The following RORA variants were observed in gnomAD, a reference collection of about 807,000 sequenced individuals.
The protein encoded by RORA is RAR related orphan receptor A.
A neutral mutation model predicts 69.5 loss-of-function variants in RORA; 7 were observed. That is an observed-to-expected ratio of 0.10 (90% CI 0.06 to 0.19). The LOEUF (loss-of-function observed/expected upper bound fraction) is 0.19, where lower values mean the gene tolerates loss of function less well. Ranked by LOEUF, RORA falls within the 10% of genes least tolerant of loss-of-function variation. The pLI is 1.00. For synonymous variants in RORA, 261 were observed against 240.8 expected, an observed-to-expected ratio of 1.08 and a Z score of -0.78; for missense variants, 457 against 663.0, an observed-to-expected ratio of 0.69 and a Z score of 3.41.
chr15:60,674,069 T>C (rs1230118536), intron 2 of RORA, among the ~76,000 whole-genome samples: 1 of 152,206 alleles, frequency 6.6e-6, no homozygotes, highest in Non-Finnish European at 1.5e-5. Context: ...TCTTCTCACA[T>C]CTGTCCTAAT....
At chr15:60,691,286 T>C (rs2070820345) in intron 1 of RORA, among the ~76,000 whole-genome samples, 1 of 152,216 alleles carries the variant, frequency 6.6e-6, no homozygotes. Flanking sequence ...ACTTTGTATC[T>C]TCACAATAGT....
rs543372460 is a variant in RORA at position 60,820,480 on chromosome 15, G to A, written c.167-141794C>T. Among the ~76,000 whole-genome samples, 21 of 152,270 alleles carry A rather than the reference G, an allele frequency of 1.4e-4. No individual in the cohort carries two copies. The South Asian group carries it at 3.7e-3, about 27-fold the overall frequency. On this transcript the variant is annotated intron_variant, in intron 1 of 10. Coordinates refer to ENST00000335670, the MANE Select transcript of RORA (RefSeq NM_134261.3). ...CTTCTATATTTTTATGTAAAACATAGGAAAAGGGCTGGTGAAAATGAGGCC... is the reference window on the plus strand; with the variant it reads ...CTTCTATATTTTTATGTAAAACATAAGAAAAGGGCTGGTGAAAATGAGGCC...
rs530626531 is a variant in RORA, at chr15:60,914,881, G to T, written c.167-236195C>A. On this transcript the variant is annotated intron_variant, in intron 1 of 10. Coordinates refer to ENST00000335670, the MANE Select transcript of RORA (RefSeq NM_134261.3). ...CACCGGGGGTCAGTGGGCCATCCAG[G>T]AAGAAGCTTTGGTGAAGGGGAGGGC... is the stretch of plus-strand genomic sequence containing the variant. Among the ~76,000 whole-genome samples, 3 of 152,292 alleles carry T rather than the reference G, an allele frequency of 2.0e-5. No homozygotes were observed. In the East Asian group the frequency reaches 5.8e-4, roughly 29 times the overall value.
chr15:60,741,928 T>G (rs78554936), intron 1 of RORA, among the ~76,000 whole-genome samples: 8,869 of 152,236 alleles, frequency 0.058, 352 homozygotes, highest in Admixed American at 0.11. Flanking sequence ...TGCCACTCCC[T>G]GCCAAGCCTC....
intron 1 of RORA, among the ~76,000 whole-genome samples, chr15:60,980,447 A>T (rs1894012165): frequency 6.6e-6 from 1 of 152,154 alleles, no homozygotes; most frequent in Admixed American, 6.5e-5. Flanking sequence ...GATTTTGAGA[A>T]GGATTGGTGC....
intron 1 of RORA, among the ~76,000 whole-genome samples, chr15:60,779,841 T>C (rs2072228642): frequency 6.6e-6 from 1 of 152,194 alleles, no homozygotes; most frequent in Non-Finnish European, 1.5e-5. Context: ...AACTGAGGCC[T>C]GGGAGGAATG....
At chr15:60,552,161 G>C (rs146391621) in intron 2 of RORA, among the ~76,000 whole-genome samples, 1 of 152,156 alleles carries the variant, frequency 6.6e-6, no homozygotes, top group South Asian at 2.1e-4. Flanking sequence ...CAGAAGACTG[G>C]GAAAATGATA....
chr15:60,962,013 G>A (rs1893428449), intron 1 of RORA, among the ~76,000 whole-genome samples: 1 of 152,236 alleles, frequency 6.6e-6, no homozygotes. Flanking sequence ...TTGGAACATT[G>A]AAAGGTGCCC....
chr15:60,903,810 G>C (rs1038977110), intron 1 of RORA, among the ~76,000 whole-genome samples: 1 of 152,074 alleles, frequency 6.6e-6, no homozygotes, highest in African/African-American at 2.4e-5. Context: ...ATTTAAATGG[G>C]GGTAACAATG....
At chr15:60,668,172 C>T (rs148893498) in intron 2 of RORA, among the ~76,000 whole-genome samples, 21 of 152,276 alleles carry the variant, frequency 1.4e-4, no homozygotes, top group African/African-American at 5.1e-4. Flanking sequence ...GTCCTCACTC[C>T]ACGTAGATCA....
At chr15:60,924,812 C>T (rs997749808) in intron 1 of RORA, among the ~76,000 whole-genome samples, 8 of 152,194 alleles carry the variant, frequency 5.3e-5, no homozygotes, top group Admixed American at 2.6e-4. Context: ...GGCACAGTGG[C>T]TCATGCCTGT....
chr15:60,745,553 T>G (rs1253325312), intron 1 of RORA, among the ~76,000 whole-genome samples: 2 of 152,226 alleles, frequency 1.3e-5, no homozygotes, highest in Non-Finnish European at 2.9e-5. Context: ...TTCCTTGGCC[T>G]CGGCATGGCC....
chr15:60,834,323 A>ATG (rs2073086265), intron 1 of RORA, among the ~76,000 whole-genome samples: 1 of 152,146 alleles, frequency 6.6e-6, no homozygotes, highest in Non-Finnish European at 1.5e-5. Flanking sequence ...CATGGTAATA[A>ATG]AGTCTAAGTC....
chr15:60,525,129 C>A (rs1241680591), intron 3 of RORA, among the ~76,000 whole-genome samples: 14 of 152,150 alleles, frequency 9.2e-5, no homozygotes, highest in Admixed American at 7.9e-4. Flanking sequence ...TTTCTGTAGT[C>A]CGAGTTCCCT....
chr15:60,594,272 C>T (rs2068618955), intron 2 of RORA, among the ~76,000 whole-genome samples: 1 of 152,230 alleles, frequency 6.6e-6, no homozygotes, highest in Admixed American at 6.5e-5. Context: ...TATGATGCAA[C>T]TATATCTCCC....
At chr15:60,716,723 G>C (rs2071223943) in intron 1 of RORA, among the ~76,000 whole-genome samples, 1 of 152,080 alleles carries the variant, frequency 6.6e-6, no homozygotes, top group African/African-American at 2.4e-5. Flanking sequence ...CTCAGAGAGA[G>C]TCCCACCCTA....
At chr15:60,564,601 T>C (rs1487151722) in intron 2 of RORA, among the ~76,000 whole-genome samples, 1 of 152,136 alleles carries the variant, frequency 6.6e-6, no homozygotes, top group Non-Finnish European at 1.5e-5. Context: ...ATCTGATCTT[T>C]TGGTCTCATC....
rs77893040 is a variant in RORA, at chr15:60,690,694, G to T, written c.167-12008C>A. Among the ~76,000 whole-genome samples the T allele has an allele frequency of 4.4e-3, 671 of 152,306 alleles. 4 individuals carry two copies. The highest frequency in any genetic ancestry group is 0.016 in the African/African-American group (645 of 41,550). ...GACTAAAGAAATTGTACCTTTCCCTGAAAAAGGACAGCAAACTGGGACTCA... is the reference window on the plus strand; with the variant it reads ...GACTAAAGAAATTGTACCTTTCCCTTAAAAAGGACAGCAAACTGGGACTCA... On this transcript the variant is annotated intron_variant, in intron 1 of 10. Transcript: ENST00000335670.
intron 1 of RORA, among the ~76,000 whole-genome samples, chr15:60,859,651 C>CTTTTTTTTTTTTTT (rs1208480913): frequency 1.0e-5 from 1 of 96,422 alleles, no homozygotes. Context: ...TTCTTTCTTT[C>CTTTTTTTTTTTTTT]TTTCTTTTTT....
Sources: gnomAD v4.1 joint callset for allele counts (sites outside exome capture counted in the v4.1 genomes callset) on GRCh38, gnomAD v4.1.1 for gene constraint, MANE v1.5 for transcripts, NCBI Gene and HGNC (gene_info 2026-07-23, HGNC 2026-07-21) for gene names.